Variants in DNAH14 observed in about 807,000 individuals in gnomAD.
DNAH14 encodes the protein dynein axonemal heavy chain 14.
In DNAH14, 478 loss-of-function variants were observed where a neutral mutation model predicts 520.9. The ratio of observed to expected loss-of-function variants is 0.92; its 90% confidence interval spans 0.85 to 0.99. The LOEUF is 0.99. Ranked by LOEUF, DNAH14 falls within the 50% of genes least tolerant of loss-of-function variation. The pLI is 0.00. For missense variants in DNAH14, 4,831 were observed against 5,234.5 expected, an observed-to-expected ratio of 0.92 and a Z score of 2.38; for synonymous variants, 1,581 against 1,757.2, an observed-to-expected ratio of 0.90 and a Z score of 2.51.
intron 46 of DNAH14, among the ~76,000 whole-genome samples, chr1:225,263,322 G>A (rs1404992987): frequency 6.6e-6 from 1 of 150,676 alleles, no homozygotes; most frequent in African/African-American, 2.5e-5. Flanking sequence ...CATAACTCTT[G>A]ATTTCTCTTC....
chr1:225,307,685 T>C (rs1351511401), intron 59 of DNAH14, 116 bp downstream of exon 59: 3 of 740,582 alleles, frequency 4.1e-6, no homozygotes, highest in Non-Finnish European at 6.2e-6. Context: ...TTTGTTACCC[T>C]ATAGTTGTGT....
chr1:224,967,284 G>A, intron 5 of DNAH14, 147 bp from the exon 6 acceptor site: 1 of 449,368 alleles, frequency 2.2e-6, no homozygotes, highest in African/African-American at 2.0e-5. Context: ...ATAATTTGAT[G>A]TTAGCTTTCT....
intron 22 of DNAH14, 35 bp from the exon 23 acceptor site, chr1:225,100,667 TAGTGCCTTAAA>T: frequency 6.5e-6 from 9 of 1,388,690 alleles, no homozygotes; most frequent in Non-Finnish European, 8.6e-6. Flanking sequence ...ATTTTAATCA[TAGTGCCTTAAA>T]AAAAATAAAA....
intron 1 of DNAH14, among the ~76,000 whole-genome samples, chr1:224,950,842 C>A (rs917344955): frequency 6.6e-6 from 1 of 151,802 alleles, no homozygotes; most frequent in South Asian, 2.1e-4. Flanking sequence ...CCCAAAAGAA[C>A]ACTATTTTGC....
intron 27 of DNAH14, among the ~76,000 whole-genome samples, chr1:225,127,426 C>G (rs567100451): frequency 1.3e-5 from 2 of 151,976 alleles, no homozygotes; most frequent in East Asian, 1.9e-4. Context: ...GGATAGTTAG[C>G]TCTTCTTGTT....
At chr1:224,934,416 T>C (rs2058893953) in intron 1 of DNAH14, among the ~76,000 whole-genome samples, 1 of 151,902 alleles carries the variant, frequency 6.6e-6, no homozygotes, top group South Asian at 2.1e-4. Context: ...GCTTCAACAA[T>C]TGATTAAATC....
intron 12 of DNAH14, among the ~76,000 whole-genome samples, chr1:225,039,848 A>G (rs1286176591): frequency 2.9e-5 from 3 of 105,128 alleles, no homozygotes; most frequent in South Asian, 4.2e-4. Context: ...ACTGCACTCC[A>G]GCCTGGGCGA....
chr1:225,161,634 A>G (rs963970981), intron 35 of DNAH14, among the ~76,000 whole-genome samples: 3 of 152,198 alleles, frequency 2.0e-5, no homozygotes, highest in African/African-American at 7.2e-5. Context: ...ACCACAATGT[A>G]TGAGTGTTCC....
intron 44 of DNAH14, among the ~76,000 whole-genome samples, chr1:225,253,662 A>G (rs1364258356): frequency 6.6e-6 from 1 of 152,158 alleles, no homozygotes; most frequent in Non-Finnish European, 1.5e-5. Context: ...CCCAACATTC[A>G]TTAATTTCTT....
At chr1:225,131,012 T>G (rs923327959) in intron 27 of DNAH14, among the ~76,000 whole-genome samples, 1 of 152,078 alleles carries the variant, frequency 6.6e-6, no homozygotes, top group African/African-American at 2.4e-5. Flanking sequence ...TTGAAATGCA[T>G]AAGATGGGTA....
chr1:225,072,768 A>G (rs774302982), intron 17 of DNAH14, among the ~76,000 whole-genome samples: 20 of 152,104 alleles, frequency 1.3e-4, no homozygotes, highest in Middle Eastern at 6.3e-3. Flanking sequence ...TGCTTGTGGT[A>G]TGCTGGGGGT....
At chr1:225,224,165 A>G (rs11484715) in intron 41 of DNAH14, among the ~76,000 whole-genome samples, 3,216 of 152,106 alleles carry the variant, frequency 0.021, 87 homozygotes, top group African/African-American at 0.062. Flanking sequence ...ATAACTACTG[A>G]TAAGTTACGA....
chr1:225,369,539 TG>T (rs1297472524), intron 77 of DNAH14, among the ~76,000 whole-genome samples: 1 of 152,044 alleles, frequency 6.6e-6, no homozygotes, highest in African/African-American at 2.4e-5. Flanking sequence ...TACATATATA[TG>T]TATATATGTA....
At chr1:225,250,603 G>T (rs2092500871) in intron 43 of DNAH14, 1 of 465,554 alleles carries the variant, frequency 2.1e-6, no homozygotes, top group Non-Finnish European at 4.0e-6. Context: ...TTACAGTTTT[G>T]TTATACTCAC....
chr1:225,239,855 T>G (rs2091861330), intron 42 of DNAH14, among the ~76,000 whole-genome samples: 2 of 152,244 alleles, frequency 1.3e-5, no homozygotes. Flanking sequence ...GTGACATATT[T>G]TAGGTTTTTC....
chr1:224,993,125 C>T (rs2489328), intron 8 of DNAH14, among the ~76,000 whole-genome samples: 22,940 of 151,940 alleles, frequency 0.15, 3,197 homozygotes, highest in African/African-American at 0.36. Flanking sequence ...GTTTAAGATA[C>T]TTACATCCAT....
chr1:225,115,786 C>T (rs2076829039), intron 23 of DNAH14, among the ~76,000 whole-genome samples: 1 of 152,166 alleles, frequency 6.6e-6, no homozygotes, highest in Admixed American at 6.5e-5. Context: ...TCCATTTATT[C>T]ATGTATTGAG....
At chr1:225,166,320 G>A (rs1008273873) in intron 35 of DNAH14, among the ~76,000 whole-genome samples, 14 of 152,058 alleles carry the variant, frequency 9.2e-5, no homozygotes, top group Admixed American at 8.5e-4. Context: ...AAACACACCA[G>A]TTTATTCAGC....
At chr1:225,090,708 C>T (rs2074301974) in intron 21 of DNAH14, among the ~76,000 whole-genome samples, 1 of 152,118 alleles carries the variant, frequency 6.6e-6, no homozygotes. Flanking sequence ...CATCTTACAA[C>T]ATACACAAAC....
Sources: gnomAD v4.1 joint callset for allele counts (sites outside exome capture counted in the v4.1 genomes callset) on GRCh38, gnomAD v4.1.1 for gene constraint, MANE v1.5 for transcripts, NCBI Gene and HGNC (gene_info 2026-07-23, HGNC 2026-07-21) for gene names.